The following CLRN3 variants were observed in gnomAD, a reference collection of about 807,000 sequenced individuals.
CLRN3 encodes the protein clarin 3, also known as clarin-3.
CLRN3 carries 12 observed loss-of-function variants against 16.7 expected under a neutral mutation model. That is an observed-to-expected ratio of 0.72 (90% CI 0.46 to 1.16). The LOEUF (loss-of-function observed/expected upper bound fraction) is 1.16, where lower values mean the gene tolerates loss of function less well. CLRN3 is among the 50% of genes most tolerant of loss of function. The pLI is 0.00. For synonymous variants in CLRN3, 118 were observed against 113.0 expected (o/e 1.04, Z -0.28); for missense variants, 296 against 274.2 (o/e 1.08, Z -0.56).
At chr10:127,887,171 A>C (rs536962060) in intron 1 of CLRN3, among the ~76,000 whole-genome samples, 18 of 152,338 alleles carry the variant, frequency 1.2e-4, no homozygotes, top group African/African-American at 4.3e-4. Flanking sequence ...GAAAAAATCT[A>C]CAGCACGTAG....
At chr10:127,884,812 A>C (rs185138395) in intron 1 of CLRN3, among the ~76,000 whole-genome samples, 3 of 152,154 alleles carry the variant, frequency 2.0e-5, no homozygotes, top group African/African-American at 4.8e-5. Flanking sequence ...CTGCACTTAC[A>C]TGTAAGCCCA....
chr10:127,892,026 C>G, intron 1 of CLRN3, among the ~76,000 whole-genome samples: 1 of 151,926 alleles, frequency 6.6e-6, no homozygotes, highest in East Asian at 1.9e-4. Flanking sequence ...GAATTCCTAT[C>G]AAATATACAA....
At chr10:127,892,072 C>A (rs981071560) in intron 1 of CLRN3, among the ~76,000 whole-genome samples, 2 of 151,966 alleles carry the variant, frequency 1.3e-5, no homozygotes, top group Non-Finnish European at 1.5e-5. Context: ...TAATTTCCAA[C>A]GATTAGATTT....
chr10:127,892,137 A>G (rs1355994235), intron 1 of CLRN3, among the ~76,000 whole-genome samples: 1 of 152,240 alleles, frequency 6.6e-6, no homozygotes. Flanking sequence ...TAGAGATAAT[A>G]AATTTTCCAT....
chr10:127,892,770 C>A lies in CLRN3; in HGVS notation c.15G>T (p.Lys5Asn), dbSNP rs367866010. The change falls in exon 1 of 3, where the codon AAG becomes AAT. Residue 5 changes from lysine (K) to asparagine (N), a missense_variant. Coordinates refer to ENST00000368671, the MANE Select transcript of CLRN3 (RefSeq NM_152311.5). MPTTKKTLMFLSSFF... is the reference protein window; with the variant it reads MPTTNKTLMFLSSFF... Reference sequence around the variant, plus strand: ...AGCTTGATAAGAACATCAATGTCTTCTTTGTGGTAGGCATTTTCACAGGAA... The same window carrying A: ...AGCTTGATAAGAACATCAATGTCTTATTTGTGGTAGGCATTTTCACAGGAA... 24 of 1,608,458 alleles carry A rather than the reference C, an allele frequency of 1.5e-5. No individual in the cohort carries two copies. In the African/African-American group the frequency reaches 3.1e-4, roughly 21 times the overall value.
rs539307986 is a variant in CLRN3 at position 127,886,643 on chromosome 10, G to A, written c.230-2768C>T. Among the ~76,000 whole-genome samples, 3 of 152,352 alleles carry A rather than the reference G, an allele frequency of 2.0e-5. 1 individual carries two copies. In the South Asian group the frequency reaches 6.2e-4, roughly 32 times the overall value. On this transcript the variant is annotated intron_variant, in intron 1 of 2. Transcript: ENST00000368671. ...ACGCCTCACAGCGGTTGGCATGGCCGCATGTGCCTTGAAAACCCATGGGAG... is the reference window on the plus strand; with the variant it reads ...ACGCCTCACAGCGGTTGGCATGGCCACATGTGCCTTGAAAACCCATGGGAG...
chr10:127,885,986 C>A (rs533916202), intron 1 of CLRN3, among the ~76,000 whole-genome samples: 9 of 152,280 alleles, frequency 5.9e-5, no homozygotes, highest in African/African-American at 1.9e-4. Context: ...AACTCCCAAC[C>A]TCAGGTGATC....
chr10:127,882,821 G>T (rs187155404), intron 2 of CLRN3, among the ~76,000 whole-genome samples: 2 of 152,170 alleles, frequency 1.3e-5, no homozygotes, highest in African/African-American at 4.8e-5. Context: ...CTTAGGACAG[G>T]CTTCATTCCC....
intron 1 of CLRN3, among the ~76,000 whole-genome samples, chr10:127,890,526 A>T (rs1845246472): frequency 6.6e-6 from 1 of 152,176 alleles, no homozygotes; most frequent in South Asian, 2.1e-4. Flanking sequence ...CTTTGCAATA[A>T]TTATTACTCT....
chr10:127,878,695 C>T (rs1845090655), intron 2 of CLRN3, among the ~76,000 whole-genome samples: 1 of 152,214 alleles, frequency 6.6e-6, no homozygotes, highest in Non-Finnish European at 1.5e-5. Context: ...CCAAACAGCG[C>T]ACTTCCTAGG....
In CLRN3 at chr10:127,892,008, AT is replaced by A. The variant is rs57529383; in HGVS notation, c.229+547del. ...ATTATATAAGAAATCAGAAAAAAAA[AT>A]GTTTAGGAATTCCTATCAAATATAC... On this transcript the variant is annotated intron_variant, in intron 1 of 2. Transcript: ENST00000368671. 9.2e-3 allele frequency among the ~76,000 whole-genome samples: 1,381 copies of A among 150,596 alleles called. 12 individuals carry two copies. Among genetic ancestry groups the A allele is most frequent in the East Asian group, 0.043 (222 of 5,154 alleles).
At position 127,883,731 on chromosome 10, in the gene CLRN3, C is replaced by T. The variant is rs757465969; in HGVS notation, c.374G>A (p.Gly125Glu). ...SISNPYQTFL[G>E]PTGVYTWNGL... is the part of the protein sequence containing the mutation. ...GTTCCAGGTGTACACCCCCGTCGGC[C>T]CCAGGAATGTCTGGTAAGGGTTGCT... is the stretch of plus-strand genomic sequence containing the variant. The change falls in exon 2 of 3, where the codon GGG (glycine) becomes GAG (glutamate). Residue 125 changes from glycine to glutamate, a missense_variant. By Grantham distance (98) the Gly-to-Glu change is moderately conservative. Coordinates refer to ENST00000368671, the MANE Select transcript of CLRN3 (RefSeq NM_152311.5). 7.4e-6 allele frequency: 12 copies of T among 1,613,800 alleles called. No homozygotes were observed. The highest frequency in any genetic ancestry group is 2.2e-5 in the East Asian group (1 of 44,878).
At chr10:127,888,306 G>A (rs1315256091) in intron 1 of CLRN3, among the ~76,000 whole-genome samples, 1 of 152,166 alleles carries the variant, frequency 6.6e-6, no homozygotes, top group Non-Finnish European at 1.5e-5. Flanking sequence ...AAAGTTGCCA[G>A]GGTTCCTTAG....
intron 1 of CLRN3, among the ~76,000 whole-genome samples, chr10:127,891,908 A>T (rs1564780907): frequency 6.6e-6 from 1 of 152,242 alleles, no homozygotes; most frequent in African/African-American, 2.4e-5. Context: ...AAACCTCAAA[A>T]GTCAAATAAG....
chr10:127,891,104 G>A (rs1230224900), intron 1 of CLRN3, among the ~76,000 whole-genome samples: 1 of 152,238 alleles, frequency 6.6e-6, no homozygotes, highest in African/African-American at 2.4e-5. Flanking sequence ...CACCTGGGCT[G>A]CCGCACCTAC....
At chr10:127,886,038 A>T (rs758031913) in intron 1 of CLRN3, among the ~76,000 whole-genome samples, 25 of 151,898 alleles carry the variant, frequency 1.6e-4, no homozygotes, top group Non-Finnish European at 2.8e-4. Context: ...TACAGGCATA[A>T]GCCACCACGC....
At chr10:127,882,953 C>A (rs1442788862) in intron 2 of CLRN3, among the ~76,000 whole-genome samples, 1 of 152,140 alleles carries the variant, frequency 6.6e-6, no homozygotes, top group Non-Finnish European at 1.5e-5. Flanking sequence ...CTGCTCTGGG[C>A]AGATGGGCAG....
rs1015784565 is a variant in CLRN3 at position 127,892,736 on chromosome 10, T to C, written c.49A>G (p.Ser17Gly). ...CAAATTACAATGAAGGACCCAAGGCTGGTGAAAAAGCTTGATAAGAACATC... is the reference window on the plus strand; with the variant it reads ...CAAATTACAATGAAGGACCCAAGGCCGGTGAAAAAGCTTGATAAGAACATC... Reference protein sequence around the residue: ...TLMFLSSFFTSLGSFIVICSI... With the variant: ...TLMFLSSFFTGLGSFIVICSI... Residue 17 changes from serine to glycine, a missense_variant, in exon 1 of 3, where the codon AGC (serine) becomes GGC (glycine). Coordinates refer to ENST00000368671, the MANE Select transcript of CLRN3 (RefSeq NM_152311.5). 4 of 1,613,754 alleles carry C rather than the reference T, an allele frequency of 2.5e-6. No homozygotes were observed. Among genetic ancestry groups the C allele is most frequent in the Admixed American group, 3.3e-5 (2 of 59,996 alleles).
At chr10:127,884,702 C>A (rs1242313418) in intron 1 of CLRN3, among the ~76,000 whole-genome samples, 1 of 152,196 alleles carries the variant, frequency 6.6e-6, no homozygotes, top group East Asian at 1.9e-4. Context: ...GGCTGTCAGT[C>A]CTGGGTTCCT....
Sources: gnomAD v4.1 joint callset for allele counts (sites outside exome capture counted in the v4.1 genomes callset) on GRCh38, gnomAD v4.1.1 for gene constraint, MANE v1.5 for transcripts, NCBI Gene and HGNC (gene_info 2026-07-23, HGNC 2026-07-21) for gene names.